The following SCARA5 variants were observed in gnomAD, a reference collection of about 807,000 sequenced individuals.
SCARA5 encodes the protein scavenger receptor class A, member 5 (putative).
SCARA5 carries 45 observed loss-of-function variants against 46.3 expected under a neutral mutation model. The ratio of observed to expected loss-of-function variants is 0.97; its 90% CI spans 0.76 to 1.24. The LOEUF is 1.24. Among genes scored for constraint, SCARA5 ranks in the 50% most tolerant of loss-of-function variants. The pLI, the probability that SCARA5 is intolerant of heterozygous loss-of-function variation, is 0.00. For synonymous variants in SCARA5, 333 were observed against 306.5 expected, an observed-to-expected ratio of 1.09 and a Z score of -0.90; for missense variants, 680 against 689.0, an observed-to-expected ratio of 0.99 and a Z score of 0.15.
At chr8:27,953,230 G>A (rs945802596) in intron 3 of SCARA5, among the ~76,000 whole-genome samples, 3 of 152,214 alleles carry the variant, frequency 2.0e-5, no homozygotes, top group African/African-American at 7.2e-5. Flanking sequence ...GGCCTCTCAG[G>A]CTGTCTCGAG....
chr8:27,931,032 G>A (rs1320265311), intron 3 of SCARA5, among the ~76,000 whole-genome samples: 1 of 152,212 alleles, frequency 6.6e-6, no homozygotes, highest in East Asian at 1.9e-4. Flanking sequence ...GCAAAACTGG[G>A]TTGCATTTAC....
rs569925089 is a variant in SCARA5 at position 27,917,662 on chromosome 8, A to G, written c.916+3909T>C. Among the ~76,000 whole-genome samples the G allele has an allele frequency of 3.3e-5, 5 of 152,342 alleles. No individual in the cohort carries two copies. In the East Asian group the frequency reaches 9.6e-4, roughly 29 times the overall value. ...AGTCTTCTCATCTATAAAGTGGGCA[A>G]TAAGACCTTTTTGCAGGATGTGAGG... is the stretch of plus-strand genomic sequence containing the variant. On this transcript the variant is annotated intron_variant, in intron 4 of 8. Transcript: ENST00000354914.
rs758222596 is a variant in SCARA5, at chr8:27,966,353, G to A, written c.241+61C>T. ...GCTCATGACAGTGGGAATGAAGAGT[G>A]GAAGCTCCAGGTCTTCCTTCCTCAT... On this transcript the variant is annotated intron_variant, in intron 3 of 8. Coordinates refer to ENST00000354914, the MANE Select transcript of SCARA5 (RefSeq NM_173833.6). 1.4e-5 allele frequency: 21 copies of A among 1,511,832 alleles called. 1 individual carries two copies. The South Asian group carries it at 2.5e-4, about 18-fold the overall frequency. 93.7% of individuals were successfully genotyped at this position (1,511,832 alleles called of 1,614,324 possible). A position where few individuals can be genotyped will look rare whatever the true frequency, so the allele number is the denominator to read the frequency against.
At chr8:27,911,301 C>G (rs1436276665) in intron 4 of SCARA5, among the ~76,000 whole-genome samples, 1 of 152,178 alleles carries the variant, frequency 6.6e-6, no homozygotes, top group Non-Finnish European at 1.5e-5. Context: ...AAGAAAATTG[C>G]CAGCTTCCTG....
intron 7 of SCARA5, among the ~76,000 whole-genome samples, chr8:27,884,599 G>C (rs141710915): frequency 2.6e-5 from 4 of 152,336 alleles, no homozygotes; most frequent in African/African-American, 9.6e-5. Flanking sequence ...GTCAGGTGTG[G>C]GGTCAAAACA....
At chr8:27,982,612 G>A (rs180770731) in intron 2 of SCARA5, among the ~76,000 whole-genome samples, 1 of 152,296 alleles carries the variant, frequency 6.6e-6, no homozygotes, top group African/African-American at 2.4e-5. Flanking sequence ...ATCAACAGTG[G>A]GCCCCGAGGA....
chr8:27,960,590 G>GA (rs1169359364), intron 3 of SCARA5, among the ~76,000 whole-genome samples: 1 of 152,084 alleles, frequency 6.6e-6, no homozygotes, highest in Non-Finnish European at 1.5e-5. Context: ...TTGTACAGAT[G>GA]AAAAAACCAA....
chr8:27,929,737 G>A (rs1419638494), intron 3 of SCARA5, among the ~76,000 whole-genome samples: 1 of 152,166 alleles, frequency 6.6e-6, no homozygotes, highest in African/African-American at 2.4e-5. Context: ...GAGCAGGAAA[G>A]GAGATGACAT....
At chr8:27,949,022 C>T (rs1016009809) in intron 3 of SCARA5, among the ~76,000 whole-genome samples, 2 of 152,262 alleles carry the variant, frequency 1.3e-5, no homozygotes, top group Non-Finnish European at 2.9e-5. Flanking sequence ...TGCTAGTATT[C>T]TTTGTGGGAA....
At chr8:27,903,024 C>A (rs1156436908) in intron 7 of SCARA5, among the ~76,000 whole-genome samples, 3 of 152,150 alleles carry the variant, frequency 2.0e-5, no homozygotes. Context: ...TGCCTTGCTC[C>A]TATTTGATCC....
chr8:27,927,024 AGAGTAACAGG>A (rs1435276173), intron 3 of SCARA5, among the ~76,000 whole-genome samples: 1 of 152,196 alleles, frequency 6.6e-6, no homozygotes, highest in Non-Finnish European at 1.5e-5. Flanking sequence ...TGAGTGACTA[AGAGTAACAGG>A]GCAACCTCCC....
intron 3 of SCARA5, among the ~76,000 whole-genome samples, chr8:27,928,058 G>A (rs1010289): frequency 3.9e-5 from 6 of 152,116 alleles, no homozygotes; most frequent in African/African-American, 9.6e-5. Context: ...ATCAACTTGC[G>A]TAGGGCAGCC....
At chr8:27,882,507 G>A (rs1291269382) in intron 7 of SCARA5, among the ~76,000 whole-genome samples, 2 of 152,314 alleles carry the variant, frequency 1.3e-5, no homozygotes, top group East Asian at 3.9e-4. Flanking sequence ...AGGAAGCCAA[G>A]GATGGTTAAG....
chr8:27,908,559 C>A (rs560249001), intron 5 of SCARA5, among the ~76,000 whole-genome samples: 1 of 152,278 alleles, frequency 6.6e-6, no homozygotes, highest in South Asian at 2.1e-4. Context: ...ATGAATTACT[C>A]CTCTAGTCCG....
At chr8:27,887,284 C>T (rs2129693640) in intron 7 of SCARA5, among the ~76,000 whole-genome samples, 1 of 152,278 alleles carries the variant, frequency 6.6e-6, no homozygotes, top group South Asian at 2.1e-4. Flanking sequence ...AACCCTGCCC[C>T]ATACCACTCC....
chr8:27,986,694 G>A (rs1808710448), intron 2 of SCARA5, among the ~76,000 whole-genome samples: 1 of 152,204 alleles, frequency 6.6e-6, no homozygotes, highest in South Asian at 2.1e-4. Flanking sequence ...AGGAAGAGAA[G>A]AGTGGAGTCA....
chr8:27,914,029 T>A (rs959394927), intron 4 of SCARA5, among the ~76,000 whole-genome samples: 1 of 152,086 alleles, frequency 6.6e-6, no homozygotes, highest in South Asian at 2.1e-4. Context: ...ATAATTCCCA[T>A]GTGTTGTGGG....
At chr8:27,958,096 C>A (rs1808233623) in intron 3 of SCARA5, among the ~76,000 whole-genome samples, 1 of 152,220 alleles carries the variant, frequency 6.6e-6, no homozygotes, top group South Asian at 2.1e-4. Context: ...GAGATGGGTG[C>A]TCTGCAGTGT....
chr8:27,912,287 A>G (rs1313100458), intron 4 of SCARA5, among the ~76,000 whole-genome samples: 1 of 152,270 alleles, frequency 6.6e-6, no homozygotes, highest in Admixed American at 6.5e-5. Context: ...CAGCCAGCCA[A>G]GATTGAGATG....
Sources: gnomAD v4.1 joint callset for allele counts (sites outside exome capture counted in the v4.1 genomes callset) on GRCh38, gnomAD v4.1.1 for gene constraint, MANE v1.5 for transcripts, NCBI Gene and HGNC (gene_info 2026-07-23, HGNC 2026-07-21) for gene names.